RASGRP3: variants seen among roughly 807,000 people sequenced by gnomAD.
RASGRP3 encodes RAS guanyl releasing protein 3.
Under a neutral mutation model 82.7 loss-of-function variants are expected in RASGRP3, and 54 were observed. That is an observed-to-expected ratio of 0.65 (90% CI 0.52 to 0.82). The LOEUF (loss-of-function observed/expected upper bound fraction) is 0.82, where lower values mean the gene tolerates loss of function less well. Among genes scored for constraint, RASGRP3 ranks in the 40% least tolerant of loss-of-function variants. The pLI, the probability that RASGRP3 is intolerant of heterozygous loss-of-function variation, is 0.00. For missense variants in RASGRP3, 861 were observed against 828.9 expected, an observed-to-expected ratio of 1.04 and a Z score of -0.48; for synonymous variants, 309 against 300.5, an observed-to-expected ratio of 1.03 and a Z score of -0.29.
At chr2:33,545,793 CTATTATTAT>C (rs34536252) in intron 13 of RASGRP3, among the ~76,000 whole-genome samples, 1 of 150,670 alleles carries the variant, frequency 6.6e-6, no homozygotes, top group Non-Finnish European at 1.5e-5. Context: ...GTCAGAATGG[CTATTATTAT>C]TATTATTATT....
intron 2 of RASGRP3, among the ~76,000 whole-genome samples, chr2:33,462,141 T>C (rs935535207): frequency 2.0e-5 from 3 of 152,150 alleles, no homozygotes; most frequent in African/African-American, 7.2e-5. Context: ...AGCCATGATG[T>C]AAAAATTCAT....
At chr2:33,470,362 A>G (rs1354811126) in intron 2 of RASGRP3, among the ~76,000 whole-genome samples, 2 of 147,792 alleles carry the variant, frequency 1.4e-5, no homozygotes, top group Non-Finnish European at 3.0e-5. Context: ...GCTATTATAA[A>G]TAATACTATA....
At chr2:33,509,651 GC>G (rs752075892) in intron 1 of RASGRP3, among the ~76,000 whole-genome samples, 5 of 152,078 alleles carry the variant, frequency 3.3e-5, no homozygotes, top group Non-Finnish European at 7.4e-5. Context: ...CTAAATTAGT[GC>G]CCCTCCCTAC....
chr2:33,562,636 C>T, intron 17 of RASGRP3, 93 bp from the exon 18 acceptor site: 1 of 1,326,246 alleles, frequency 7.5e-7, no homozygotes, highest in East Asian at 2.3e-5. Context: ...TTCAGATGTT[C>T]CCTCAAAGTC....
intron 17 of RASGRP3, among the ~76,000 whole-genome samples, chr2:33,560,913 C>A (rs1574514916): frequency 6.6e-6 from 1 of 152,140 alleles, no homozygotes; most frequent in African/African-American, 2.4e-5. Context: ...GGGTGTAAGA[C>A]AATCAAATAG....
At chr2:33,448,556 C>T (rs1665620092) in intron 2 of RASGRP3, among the ~76,000 whole-genome samples, 1 of 152,034 alleles carries the variant, frequency 6.6e-6, no homozygotes, top group African/African-American at 2.4e-5. Flanking sequence ...GTGAAATAAT[C>T]CAGACACAAA....
intron 2 of RASGRP3, among the ~76,000 whole-genome samples, chr2:33,514,317 A>G (rs1322433660): frequency 1.3e-5 from 2 of 152,014 alleles, no homozygotes; most frequent in Non-Finnish European, 2.9e-5. Context: ...ATATTCTTTT[A>G]TTAATATTAA....
upstream of RASGRP3, among the ~76,000 whole-genome samples, chr2:33,474,153 T>A (rs1667221925): frequency 6.6e-6 from 1 of 152,070 alleles, no homozygotes; most frequent in South Asian, 2.1e-4. Context: ...GGCTGGGGAC[T>A]CCTGCTTTAC....
At chr2:33,467,799 A>T (rs115004872) in intron 2 of RASGRP3, among the ~76,000 whole-genome samples, 2,907 of 152,300 alleles carry the variant, frequency 0.019, 78 homozygotes, top group Middle Eastern at 0.078. Flanking sequence ...TCAGATAGGC[A>T]CAAAGGCCCA....
intron 1 of RASGRP3, among the ~76,000 whole-genome samples, chr2:33,492,464 C>G (rs945094287): frequency 1.4e-4 from 21 of 152,092 alleles, no homozygotes; most frequent in African/African-American, 4.8e-4. Flanking sequence ...ATTTTGTACC[C>G]CCCAGCATCC....
intron 4 of RASGRP3, among the ~76,000 whole-genome samples, chr2:33,519,219 T>A (rs1671763697): frequency 6.6e-6 from 1 of 152,212 alleles, no homozygotes; most frequent in Non-Finnish European, 1.5e-5. Context: ...TATAATCTTA[T>A]TGGACCACTG....
intron 6 of RASGRP3, 72 bp downstream of exon 6, chr2:33,520,756 C>G: frequency 5.1e-6 from 8 of 1,576,056 alleles, no homozygotes; most frequent in Non-Finnish European, 6.9e-6. Flanking sequence ...GATCACCCCA[C>G]TTGTTCTGAG....
intron 6 of RASGRP3, among the ~76,000 whole-genome samples, chr2:33,521,241 C>T (rs1364463953): frequency 6.6e-6 from 1 of 152,180 alleles, no homozygotes; most frequent in Non-Finnish European, 1.5e-5. Context: ...GTGCCAGGAG[C>T]TGGTTAGCTC....
chr2:33,439,769 A>G (rs1248123014), intron 1 of RASGRP3, among the ~76,000 whole-genome samples: 4 of 152,014 alleles, frequency 2.6e-5, no homozygotes, highest in Non-Finnish European at 4.4e-5. Flanking sequence ...CTGGGTTCAG[A>G]AGGTGGTGGG....
intron 1 of RASGRP3, among the ~76,000 whole-genome samples, chr2:33,483,651 G>A (rs1258250265): frequency 6.6e-6 from 1 of 151,994 alleles, no homozygotes; most frequent in East Asian, 1.9e-4. Flanking sequence ...ACCATGCCTG[G>A]CTAATTTTTG....
At chr2:33,467,036 T>G (rs540522982) in intron 2 of RASGRP3, among the ~76,000 whole-genome samples, 1 of 151,430 alleles carries the variant, frequency 6.6e-6, no homozygotes, top group African/African-American at 2.4e-5. Flanking sequence ...TTTGCACAGG[T>G]GTTAGCTTAT....
At chr2:33,447,339 G>T (rs939527702) in intron 1 of RASGRP3, among the ~76,000 whole-genome samples, 12 of 152,106 alleles carry the variant, frequency 7.9e-5, no homozygotes, top group African/African-American at 2.9e-4. Context: ...CTGGGAACTA[G>T]GGCTGTTTCT....
At chr2:33,518,439 G>A (rs1671669369) in intron 4 of RASGRP3, among the ~76,000 whole-genome samples, 3 of 152,222 alleles carry the variant, frequency 2.0e-5, no homozygotes, top group Non-Finnish European at 4.4e-5. Context: ...CAGTGAGTGA[G>A]TGGAGAGTGA....
Position 33,503,612 on chromosome 2 carries a change from A to G in RASGRP3, c.-260-8098A>G, listed in dbSNP as rs148331209. Among the ~76,000 whole-genome samples, 584 of 151,668 alleles carry G rather than the reference A, an allele frequency of 3.9e-3. 6 individuals carry two copies. Among genetic ancestry groups the G allele is most frequent in the African/African-American group, 0.013 (536 of 41,288 alleles). On this transcript the variant is annotated intron_variant, in intron 1 of 17. Transcript: ENST00000403687. ...ACACACTTTTTTTTTTGGTTCCTGT[A>G]CTTTACCGTTAATTGATTCCAATAA...
Sources: allele counts gnomAD v4.1 joint callset (sites outside exome capture counted in the v4.1 genomes callset), GRCh38; gene constraint gnomAD v4.1.1; transcripts MANE v1.5; gene names NCBI Gene and HGNC (gene_info 2026-07-23, HGNC 2026-07-21).